Variants in SYCP1 observed in about 807,000 individuals in gnomAD.
SYCP1 encodes the protein synaptonemal complex protein 1.
Under a neutral mutation model 153.1 loss-of-function variants are expected in SYCP1, and 64 were observed. That is an observed-to-expected ratio of 0.42 (90% CI 0.34 to 0.51). SYCP1 has a LOEUF of 0.51. Among genes scored for constraint, SYCP1 ranks in the 20% least tolerant of loss-of-function variants. The probability of loss-of-function intolerance (pLI) is 0.06; values close to 1 mark genes in which losing one functional copy is unlikely to be tolerated. For synonymous variants in SYCP1, 384 were observed against 341.8 expected, an observed-to-expected ratio of 1.12 and a Z score of -1.36; for missense variants, 997 against 1,049.0, an observed-to-expected ratio of 0.95 and a Z score of 0.68.
chr1:114,965,814 T>C (rs1327748670), intron 27 of SYCP1, among the ~76,000 whole-genome samples: 1 of 152,208 alleles, frequency 6.6e-6, no homozygotes, highest in Admixed American at 6.5e-5. Flanking sequence ...TTTCCTTTTT[T>C]GTTGTGTCTC....
At chr1:114,964,670 A>G (rs186964163) in intron 27 of SYCP1, among the ~76,000 whole-genome samples, 106 of 152,286 alleles carry the variant, frequency 7.0e-4, no homozygotes, top group Admixed American at 2.4e-3. Context: ...ATGTTTGTCA[A>G]AGATCAGATG....
At position 114,874,558 on chromosome 1, in the gene SYCP1, C is replaced by A; in HGVS notation, c.651C>A (p.Asn217Lys). Reference protein sequence around the residue: ...TRQVYMDLNNNIEKMITAFEE... With the variant: ...TRQVYMDLNNKIEKMITAFEE... ...AAGTTTATATGGATCTAAATAATAA[C>A]ATTGAGGTGAGTGTTAATGAAATCT... The change falls in exon 9 of 32, where the codon AAC (asparagine) becomes AAA (lysine). Residue 217 changes from asparagine to lysine, a missense_variant. Coordinates refer to ENST00000369522, the MANE Select transcript of SYCP1 (RefSeq NM_003176.4). The A allele has an allele frequency of 6.4e-7, 1 of 1,568,154 alleles. No homozygotes were observed. The highest frequency in any genetic ancestry group is 1.2e-5 in the South Asian group (1 of 83,056).
At chr1:114,891,929 T>A (rs907452104) in intron 15 of SYCP1, among the ~76,000 whole-genome samples, 4 of 152,146 alleles carry the variant, frequency 2.6e-5, no homozygotes, top group African/African-American at 7.2e-5. Context: ...TAATTATAAA[T>A]TGGGATAAGT....
chr1:114,902,247 G>C (rs564954351), intron 16 of SYCP1, among the ~76,000 whole-genome samples: 1 of 152,234 alleles, frequency 6.6e-6, no homozygotes, highest in South Asian at 2.1e-4. Flanking sequence ...ATCCTCAGAA[G>C]AAATCCGAAG....
At chr1:114,895,571 T>A in intron 16 of SYCP1, 62 bp downstream of exon 16, 1 of 869,532 alleles carries the variant, frequency 1.2e-6, no homozygotes, top group Non-Finnish European at 1.7e-6. Flanking sequence ...TTGAATCCCT[T>A]AACTTATAGA....
chr1:114,927,863 G>A (rs1164022990), intron 23 of SYCP1, among the ~76,000 whole-genome samples: 2 of 152,178 alleles, frequency 1.3e-5, no homozygotes, highest in African/African-American at 4.8e-5. Context: ...CTGGCACCAA[G>A]GCTGGAGTGT....
At chr1:114,866,923 G>A (rs1265579530) in intron 8 of SYCP1, among the ~76,000 whole-genome samples, 3 of 149,570 alleles carry the variant, frequency 2.0e-5, no homozygotes, top group Admixed American at 6.7e-5. Flanking sequence ...TTTGCATGCA[G>A]ATGTCCACTT....
chr1:114,932,999 A>G (rs149839448), intron 23 of SYCP1, among the ~76,000 whole-genome samples: 5 of 152,316 alleles, frequency 3.3e-5, no homozygotes, highest in Non-Finnish European at 7.3e-5. Context: ...AGGCAGCAGA[A>G]ACTTCGGCAG....
chr1:114,921,682 A>G (rs1408485976), intron 20 of SYCP1, among the ~76,000 whole-genome samples: 1 of 151,592 alleles, frequency 6.6e-6, no homozygotes, highest in Non-Finnish European at 1.5e-5. Context: ...ATGAGTAGTT[A>G]CATTCCACAA....
intron 16 of SYCP1, among the ~76,000 whole-genome samples, chr1:114,907,403 T>C (rs1337812485): frequency 3.3e-5 from 5 of 152,166 alleles, no homozygotes; most frequent in African/African-American, 9.7e-5. Flanking sequence ...TCTTTTAAAC[T>C]CTCTGCCTTC....
Position 114,935,215 on chromosome 1 carries a change from C to T in SYCP1, c.1926+8652C>T, listed in dbSNP as rs576847616. 3.1e-3 allele frequency among the ~76,000 whole-genome samples: 468 copies of T among 152,284 alleles called. 3 individuals are homozygous for T. The highest frequency in any genetic ancestry group is 0.01 in the African/African-American group (432 of 41,560). On this transcript the variant is annotated intron_variant, in intron 23 of 31. Transcript: ENST00000369522. ...AAATTGTAACAAATTGTCTCTCAGA[C>T]CACAGTGCAATCAAACTAGAACTCA...
intron 8 of SYCP1, among the ~76,000 whole-genome samples, chr1:114,865,673 A>C (rs1664695070): frequency 6.6e-6 from 1 of 152,018 alleles, no homozygotes; most frequent in African/African-American, 2.4e-5. Flanking sequence ...CATGTTTGTT[A>C]CAATTGATGA....
Position 114,857,516 on chromosome 1 carries a change from C to A in SYCP1, c.291+19C>A. 3.8e-6 allele frequency: 6 copies of A among 1,562,576 alleles called. No individual in the cohort carries two copies. The highest frequency in any genetic ancestry group is 5.2e-6 in the Non-Finnish European group (6 of 1,149,942). On this transcript the variant is annotated intron_variant, in intron 5 of 31. Transcript: ENST00000369522. ...TTTGGAGGTCAGAAGATTTCCCATT[C>A]ATATTAAATTTCTTGTAATTGGAAT...
chr1:114,910,509 T>G lies in SYCP1; in HGVS notation c.1425+8T>G. ...CTTCTCCAAGCCAGAGAGGTTTGTT[T>G]AAGGAAACATTTTTATTTTAAATAT... On this transcript the variant is annotated splice_region_variant and intron_variant, in intron 17 of 31. Transcript: ENST00000369522. 1 of 1,486,648 alleles carries G rather than the reference T, an allele frequency of 6.7e-7. No individual in the cohort carries two copies. Among genetic ancestry groups the G allele is most frequent in the South Asian group, 1.4e-5 (1 of 72,256 alleles). The allele number at this position is 1,486,648 out of a possible 1,614,324, so 92.1% of individuals were successfully genotyped here.
chr1:114,911,618 C>A, intron 18 of SYCP1, 36 bp downstream of exon 18: 1 of 1,135,556 alleles, frequency 8.8e-7, no homozygotes, highest in Non-Finnish European at 1.2e-6. Flanking sequence ...AGTTTATGTA[C>A]TCAATTCCTA....
chr1:114,988,633 A>T (rs1478322592), intron 30 of SYCP1, among the ~76,000 whole-genome samples: 2 of 152,004 alleles, frequency 1.3e-5, no homozygotes, highest in Non-Finnish European at 2.9e-5. Flanking sequence ...GTCTGTTACC[A>T]CTAAACCTGC....
chr1:114,862,901 T>A (rs1664475251), intron 8 of SYCP1: 1 of 152,200 alleles, frequency 6.6e-6, no homozygotes, highest in Admixed American at 6.5e-5. Flanking sequence ...ATTCATTCAA[T>A]ATTTTTTTAG....
chr1:114,961,752 G>T (rs1671793008), intron 27 of SYCP1, among the ~76,000 whole-genome samples: 2 of 152,022 alleles, frequency 1.3e-5, no homozygotes, highest in Admixed American at 1.3e-4. Flanking sequence ...CCTGTTTTGT[G>T]GCCTTTCATA....
intron 20 of SYCP1, among the ~76,000 whole-genome samples, chr1:114,916,518 G>A (rs2101696047): frequency 6.6e-6 from 1 of 151,996 alleles, no homozygotes; most frequent in African/African-American, 2.4e-5. Flanking sequence ...TAAAAGATAA[G>A]GATAAGTCAT....
Sources: allele counts gnomAD v4.1 joint callset (sites outside exome capture counted in the v4.1 genomes callset), GRCh38; gene constraint gnomAD v4.1.1; transcripts MANE v1.5; gene names NCBI Gene and HGNC (gene_info 2026-07-23, HGNC 2026-07-21).